The following ARHGAP24 variants were observed in gnomAD, a reference collection of about 807,000 sequenced individuals.
ARHGAP24 encodes the protein Rho GTPase activating protein 24, also known as rho GTPase-activating protein 24.
Under a neutral mutation model 76.4 loss-of-function variants are expected in ARHGAP24, and 50 were observed. That is an observed-to-expected ratio of 0.65 (90% CI 0.52 to 0.83). ARHGAP24 has a LOEUF of 0.83. Among genes scored for constraint, ARHGAP24 ranks in the 40% least tolerant of loss-of-function variants. ARHGAP24 has a pLI of 0.00. For synonymous variants in ARHGAP24, 345 were observed against 323.3 expected (o/e 1.07, Z -0.72); for missense variants, 930 against 914.2 (o/e 1.02, Z -0.22).
intron 2 of ARHGAP24, among the ~76,000 whole-genome samples, chr4:85,631,204 A>C (rs1721146510): frequency 6.6e-6 from 1 of 152,150 alleles, no homozygotes; most frequent in Non-Finnish European, 1.5e-5. Flanking sequence ...TTGTATCGAA[A>C]GATAAAAAAG....
chr4:85,790,443 A>C (rs10020335), intron 3 of ARHGAP24, among the ~76,000 whole-genome samples: 39,684 of 152,076 alleles, frequency 0.26, 5,472 homozygotes, highest in African/African-American at 0.31. Context: ...ATTGTCTCTA[A>C]GATTTTAAGG....
At chr4:85,584,581 TA>T (rs1419370894) in intron 2 of ARHGAP24, among the ~76,000 whole-genome samples, 1 of 151,780 alleles carries the variant, frequency 6.6e-6, no homozygotes, top group South Asian at 2.1e-4. Flanking sequence ...CCCTAAAACT[TA>T]AAGTATAATA....
intron 5 of ARHGAP24, among the ~76,000 whole-genome samples, chr4:85,948,101 A>G (rs1319680146): frequency 6.6e-6 from 1 of 152,176 alleles, no homozygotes; most frequent in Non-Finnish European, 1.5e-5. Flanking sequence ...TATACTTACT[A>G]CATCTCTTAT....
intron 2 of ARHGAP24, among the ~76,000 whole-genome samples, chr4:85,615,852 T>C (rs1045138614): frequency 6.6e-6 from 1 of 152,164 alleles, no homozygotes; most frequent in African/African-American, 2.4e-5. Flanking sequence ...CATGTAAACA[T>C]TGGGGAAGTG....
chr4:85,786,223 C>T (rs941462654), intron 3 of ARHGAP24, among the ~76,000 whole-genome samples: 1 of 151,584 alleles, frequency 6.6e-6, no homozygotes, highest in African/African-American at 2.4e-5. Flanking sequence ...AATGTGTTTC[C>T]TCATTAAGAA....
At chr4:85,743,392 CAAAAAAAAAAAAAAAAAAAAAAA>C (rs774717006) in intron 3 of ARHGAP24, among the ~76,000 whole-genome samples, 9 of 43,380 alleles carry the variant, frequency 2.1e-4, no homozygotes, top group South Asian at 1.3e-3. Flanking sequence ...GATCCCATCT[CAAAAAAAAAAAAAAAAAAAAAAA>C]AAAAAAAAAA....
At chr4:85,522,631 A>G (rs1724827953) in intron 1 of ARHGAP24, among the ~76,000 whole-genome samples, 1 of 152,200 alleles carries the variant, frequency 6.6e-6, no homozygotes, top group South Asian at 2.1e-4. Context: ...AACTAGGTTG[A>G]TAGTCCTATC....
chr4:85,578,134 C>T (rs1002343605), intron 2 of ARHGAP24, among the ~76,000 whole-genome samples: 1 of 152,172 alleles, frequency 6.6e-6, no homozygotes, highest in African/African-American at 2.4e-5. Flanking sequence ...ATCCAAAATG[C>T]CTGCCTATCT....
chr4:85,824,555 A>G (rs1560653043), intron 3 of ARHGAP24, among the ~76,000 whole-genome samples: 1 of 152,136 alleles, frequency 6.6e-6, no homozygotes, highest in East Asian at 1.9e-4. Flanking sequence ...GAAAACCAAA[A>G]CATCTTATTT....
intron 3 of ARHGAP24, among the ~76,000 whole-genome samples, chr4:85,917,216 T>A (rs1735464134): frequency 6.6e-6 from 1 of 152,124 alleles, no homozygotes; most frequent in Admixed American, 6.5e-5. Context: ...TCCAATTTCA[T>A]CCATGTCCCT....
intron 2 of ARHGAP24, 135 bp from the exon 3 acceptor site, chr4:85,721,750 G>T (rs1373799474): frequency 2.7e-6 from 2 of 750,644 alleles, no homozygotes; most frequent in Admixed American, 2.2e-5. Context: ...TTTGATTATT[G>T]GGAATATAAA....
At chr4:85,863,359 C>T (rs1431641365) in intron 3 of ARHGAP24, among the ~76,000 whole-genome samples, 2 of 152,096 alleles carry the variant, frequency 1.3e-5, no homozygotes, top group Non-Finnish European at 2.9e-5. Flanking sequence ...TAATTTCCTT[C>T]ATAGCACTTA....
intron 3 of ARHGAP24, chr4:85,828,068 A>G: frequency 1.0e-6 from 1 of 967,616 alleles, no homozygotes; most frequent in Non-Finnish European, 1.4e-6. Context: ...TTATATCACC[A>G]CAAATTCAGG....
intron 3 of ARHGAP24, among the ~76,000 whole-genome samples, chr4:85,772,968 G>T (rs1025028769): frequency 6.6e-6 from 1 of 152,178 alleles, no homozygotes; most frequent in Non-Finnish European, 1.5e-5. Context: ...ATTTCAAATT[G>T]TGCGATCAGT....
intron 3 of ARHGAP24, among the ~76,000 whole-genome samples, chr4:85,889,259 G>T (rs902673650): frequency 6.6e-6 from 1 of 152,190 alleles, no homozygotes; most frequent in African/African-American, 2.4e-5. Flanking sequence ...TCCCATTCCT[G>T]CTGAGAAAAT....
intron 1 of ARHGAP24, among the ~76,000 whole-genome samples, chr4:85,550,284 C>A (rs1726077558): frequency 6.6e-6 from 1 of 152,190 alleles, no homozygotes; most frequent in Non-Finnish European, 1.5e-5. Context: ...GTAATCCCAG[C>A]ACATTTATTG....
rs544138968 is a variant in ARHGAP24 at position 85,775,523 on chromosome 4, C to T, written c.268+53551C>T. On this transcript the variant is annotated intron_variant, in intron 3 of 9. Coordinates refer to ENST00000395184, the MANE Select transcript of ARHGAP24 (RefSeq NM_001025616.3). The stretch of plus-strand genomic sequence containing the variant: ...TGAAAGGGGTTCCCCCTTATAAAAC[C>T]ATCAGATCTCGTGAGACTTGTTCAC... Among the ~76,000 whole-genome samples the T allele has an allele frequency of 1.3e-3, 197 of 152,228 alleles. 3 individuals carry two copies. Among genetic ancestry groups the T allele is most frequent in the African/African-American group, 4.4e-3 (183 of 41,550 alleles).
intron 3 of ARHGAP24, among the ~76,000 whole-genome samples, chr4:85,764,409 T>A (rs2869383): frequency 0.96 from 146,100 of 152,206 alleles, 70,423 homozygotes; most frequent in East Asian, 1. Flanking sequence ...CCAAGCAATA[T>A]TAATGTGATG....
intron 4 of ARHGAP24, among the ~76,000 whole-genome samples, chr4:85,936,961 A>C (rs899869240): frequency 2.6e-5 from 4 of 152,192 alleles, no homozygotes; most frequent in Non-Finnish European, 4.4e-5. Context: ...CCACCTAAAC[A>C]TTGTTGACTG....
Sources: allele counts gnomAD v4.1 joint callset (sites outside exome capture counted in the v4.1 genomes callset), GRCh38; gene constraint gnomAD v4.1.1; transcripts MANE v1.5; gene names NCBI Gene and HGNC (gene_info 2026-07-23, HGNC 2026-07-21).